ALYREF: variants seen among roughly 807,000 people sequenced by gnomAD.
ALYREF encodes Aly/REF export factor, also known as THO complex subunit 4.
A neutral mutation model predicts 25.2 loss-of-function variants in ALYREF; 1 was observed. The ratio of observed to expected loss-of-function variants is 0.04; its 90% CI spans 0.01 to 0.19. The LOEUF is 0.19. ALYREF is among the 10% of genes least tolerant of loss of function. The probability of loss-of-function intolerance (pLI) is 1.00; values close to 1 mark genes in which losing one functional copy is unlikely to be tolerated. For missense variants in ALYREF, 328 were observed against 375.6 expected, an observed-to-expected ratio of 0.87 and a Z score of 1.05; for synonymous variants, 193 against 153.5, an observed-to-expected ratio of 1.26 and a Z score of -1.90.
Position 81,888,432 on chromosome 17 carries a change from C to A in ALYREF, c.603-14G>T. 1 of 1,598,804 alleles carries A rather than the reference C, an allele frequency of 6.3e-7. No individual in the cohort carries two copies. The highest frequency in any genetic ancestry group is 8.5e-7 in the Non-Finnish European group (1 of 1,170,034). The stretch of plus-strand genomic sequence containing the variant: ...CCTCTGTTTACGCTAGCAAGGAAGA[C>A]GAAACCGTTCACACACCCGGAAGGA... On this transcript the variant is annotated splice_polypyrimidine_tract_variant and intron_variant, in intron 4 of 5. Transcript: ENST00000505490. The surrounding 1 kb of genome is among the most constrained non-coding windows in gnomAD (Gnocchi z 5.8).
chr17:81,889,716 C>T (rs898851341), intron 2 of ALYREF: 2 of 198,696 alleles, frequency 1.0e-5, no homozygotes, highest in East Asian at 2.3e-4. Flanking sequence ...ATCAGACCAG[C>T]TTGAAGGGCC....
In ALYREF at chr17:81,891,364, C is replaced by T; in HGVS notation, c.217G>A (p.Ala73Thr). Residue 73 changes from alanine to threonine, a missense_variant, in exon 1 of 6, where the codon GCC becomes ACC. By Grantham distance (58) the Ala-to-Thr change is moderately conservative. Coordinates refer to ENST00000505490, the MANE Select transcript of ALYREF (RefSeq NM_005782.4). ...GGTCGGTTCCTGCCGCCTCCGCCGG[C>T]CGCGCCGCGGGCGATGGCCGGCCGG... ...RNRPAIARGA[A>T]GGGGRNRPAP... The T allele has an allele frequency of 1.7e-6, 2 of 1,153,458 alleles. No individual in the cohort carries two copies. Among genetic ancestry groups the T allele is most frequent in the Admixed American group, 4.5e-5 (1 of 22,226 alleles). The allele number at this position is 1,153,458 out of a possible 1,614,324, so 71.5% of individuals were successfully genotyped here.
chr17:81,888,450 C>G lies in ALYREF; in HGVS notation c.603-32G>C. On this transcript the variant is annotated intron_variant, in intron 4 of 5. Coordinates refer to ENST00000505490, the MANE Select transcript of ALYREF (RefSeq NM_005782.4). The surrounding 1 kb of genome is among the most constrained non-coding windows in gnomAD (Gnocchi z 5.8). Reference sequence around the variant, plus strand: ...AGGAAGACGAAACCGTTCACACACCCGGAAGGACCCTAAGAGCGACGCAGC... The same window carrying G: ...AGGAAGACGAAACCGTTCACACACCGGGAAGGACCCTAAGAGCGACGCAGC... 1 of 1,603,744 alleles carries G rather than the reference C, an allele frequency of 6.2e-7. No individual in the cohort carries two copies. Among genetic ancestry groups the G allele is most frequent in the African/African-American group, 1.3e-5 (1 of 74,792 alleles).
In ALYREF at chr17:81,888,310, G is replaced by A. The variant is rs369058457; in HGVS notation, c.711C>T (p.Ala237=). The part of the protein sequence containing the change: ...RGGARGRGRG[A]GRNSKQQLSA... ...AAAGCTGCTGCTTTGAATTCCTGCCGGCACCTCTGCCTCTTCCACGGGCGC... is the reference window on the plus strand; with the variant it reads ...AAAGCTGCTGCTTTGAATTCCTGCCAGCACCTCTGCCTCTTCCACGGGCGC... The change falls in exon 5 of 6, where the codon GCC becomes GCT. Residue 237 remains alanine, a synonymous_variant. Transcript: ENST00000505490. This position sits in a 1 kb window ranked among gnomAD's most constrained non-coding sequence, Gnocchi z 5.8. The A allele has an allele frequency of 1.3e-4, 215 of 1,607,360 alleles. No homozygotes were observed. Among genetic ancestry groups the A allele is most frequent in the Non-Finnish European group, 1.7e-4 (205 of 1,178,938 alleles).
intron 3 of ALYREF, 87 bp downstream of exon 3, chr17:81,889,095 A>C: frequency 6.4e-7 from 1 of 1,557,994 alleles, no homozygotes; most frequent in Non-Finnish European, 8.7e-7. Flanking sequence ...CCTCAGCCAC[A>C]GGGGTACCCC....
rs1400190720 is a variant in ALYREF at position 81,891,554 on chromosome 17, G to A, written c.27C>T (p.Ala9=). 2.1e-6 allele frequency: 3 copies of A among 1,435,262 alleles called. No individual in the cohort carries two copies. The highest frequency in any genetic ancestry group is 3.3e-5 in the East Asian group (1 of 30,494). The allele number at this position is 1,435,262 out of a possible 1,614,324, so 88.9% of individuals were successfully genotyped here. Residue 9 remains alanine (A), a synonymous_variant, in exon 1 of 6, where the codon GCC becomes GCT. Coordinates refer to ENST00000505490, the MANE Select transcript of ALYREF (RefSeq NM_005782.4). ...CGTCCAGAGACATGTCCATTTTGTC[G>A]GCCATGGCGGGCGCGGAATCGGGCA... MPDSAPAM[A]DKMDMSLDDI...
Position 81,887,958 on chromosome 17 carries a change from TAAAAAAAAAAAAAAAGA to T in ALYREF, c.*156_*172del. 2.1e-6 allele frequency: 1 copy of T among 470,994 alleles called. No individual in the cohort carries two copies. The highest frequency in any genetic ancestry group is 4.1e-5 in the East Asian group (1 of 24,174). The allele number at this position is 470,994 out of a possible 1,614,324, so 29.2% of individuals were successfully genotyped here. On this transcript the variant is annotated 3_prime_UTR_variant, in exon 6 of 6. Coordinates refer to ENST00000505490, the MANE Select transcript of ALYREF (RefSeq NM_005782.4). Reference sequence around the variant, plus strand: ...GTACAAAACAGGTCTGTTTCAGAATTAAAAAAAAAAAAAAAGAAAAAAAAAAAACCTTTACATGAGTT... The same window carrying T: ...GTACAAAACAGGTCTGTTTCAGAATTAAAAAAAAAAACCTTTACATGAGTT...
In ALYREF at chr17:81,888,121, GCTGGT is replaced by G. The variant is rs780801463; in HGVS notation, c.*5_*9del. ...TGGGTCCTGTTCCGCACGCGGATTT[GCTGGT>G]CTGTTTAACTGGTGTCCATCTGAAA... On this transcript the variant is annotated 3_prime_UTR_variant, in exon 6 of 6. Transcript: ENST00000505490. This position sits in a 1 kb window ranked among gnomAD's most constrained non-coding sequence, Gnocchi z 5.8. 1.2e-5 allele frequency: 19 copies of G among 1,614,036 alleles called. No individual in the cohort carries two copies. The South Asian group carries it at 2.1e-4, about 18-fold the overall frequency.
intron 1 of ALYREF, 65 bp downstream of exon 1, chr17:81,891,258 C>T: frequency 9.3e-7 from 1 of 1,076,874 alleles, no homozygotes; most frequent in Non-Finnish European, 1.1e-6. Context: ...CCGCCGCGAG[C>T]GGCCCCGGCC....
In ALYREF at chr17:81,888,429, AGAC is replaced by A. The variant is rs1182782663; in HGVS notation, c.603-14_603-12del. 6.3e-7 allele frequency: 1 copy of A among 1,598,854 alleles called. No individual in the cohort carries two copies. Among genetic ancestry groups the A allele is most frequent in the Non-Finnish European group, 8.5e-7 (1 of 1,170,198 alleles). On this transcript the variant is annotated splice_polypyrimidine_tract_variant and intron_variant, in intron 4 of 5. Coordinates refer to ENST00000505490, the MANE Select transcript of ALYREF (RefSeq NM_005782.4). The surrounding 1 kb of genome is among the most constrained non-coding windows in gnomAD (Gnocchi z 5.8). The stretch of plus-strand genomic sequence containing the variant: ...CCACCTCTGTTTACGCTAGCAAGGA[AGAC>A]GAAACCGTTCACACACCCGGAAGGA...
Position 81,888,658 on chromosome 17 carries a change from T to A in ALYREF, c.539-75A>T. ...CCACCCAGCTGGCGCCACACCCTGG[T>A]CTCCATGCAAACACTGGAAAGGGCC... On this transcript the variant is annotated intron_variant, in intron 3 of 5. Coordinates refer to ENST00000505490, the MANE Select transcript of ALYREF (RefSeq NM_005782.4). The surrounding 1 kb of genome is among the most constrained non-coding windows in gnomAD (Gnocchi z 5.8). 6.5e-7 allele frequency: 1 copy of A among 1,542,562 alleles called. No individual in the cohort carries two copies. The highest frequency in any genetic ancestry group is 1.4e-5 in the African/African-American group (1 of 73,062).
Position 81,888,093 on chromosome 17 carries a change from G to A in ALYREF, c.*38C>T. 1.2e-6 allele frequency: 2 copies of A among 1,613,384 alleles called. No homozygotes were observed. Among genetic ancestry groups the A allele is most frequent in the Non-Finnish European group, 1.7e-6 (2 of 1,179,950 alleles). On this transcript the variant is annotated 3_prime_UTR_variant, in exon 6 of 6. Coordinates refer to ENST00000505490, the MANE Select transcript of ALYREF (RefSeq NM_005782.4). This position sits in a 1 kb window ranked among gnomAD's most constrained non-coding sequence, Gnocchi z 5.8. Reference sequence around the variant, plus strand: ...CCCCAACCAGGGAGCAAGAGGAGACGCCTGGGTCCTGTTCCGCACGCGGAT... The same window carrying A: ...CCCCAACCAGGGAGCAAGAGGAGACACCTGGGTCCTGTTCCGCACGCGGAT...
Position 81,891,582 on chromosome 17 carries a change from G to C in ALYREF, c.-2C>G, listed in dbSNP as rs1052702910. 6 of 1,427,290 alleles carry C rather than the reference G, an allele frequency of 4.2e-6. No individual in the cohort carries two copies. The highest frequency in any genetic ancestry group is 2.6e-5 in the South Asian group (2 of 77,150). The allele number at this position is 1,427,290 out of a possible 1,614,324, so 88.4% of individuals were successfully genotyped here. On this transcript the variant is annotated 5_prime_UTR_variant, in exon 1 of 6. Coordinates refer to ENST00000505490, the MANE Select transcript of ALYREF (RefSeq NM_005782.4). ...CATGGCGGGCGCGGAATCGGGCATC[G>C]GCTCGAGCCCGCGCGTCAGCACGCC...
rs537441077 is a variant in ALYREF, at chr17:81,888,418, G to T, written c.603C>A (p.Ser201Arg). The change falls in exon 5 of 6, where the codon AGC (serine) becomes AGA (arginine). Residue 201 changes from serine (S) to arginine (R), a missense_variant and splice_region_variant. By Grantham distance (110) the Ser-to-Arg change is moderately radical (BLOSUM62 -1). Coordinates refer to ENST00000505490, the MANE Select transcript of ALYREF (RefSeq NM_005782.4). The surrounding 1 kb of genome is among the most constrained non-coding windows in gnomAD (Gnocchi z 5.8). ...TTCTAGTCATGCCACCTCTGTTTACGCTAGCAAGGAAGACGAAACCGTTCA... is the reference window on the plus strand; with the variant it reads ...TTCTAGTCATGCCACCTCTGTTTACTCTAGCAAGGAAGACGAAACCGTTCA... ...QIDAQRRPAQ[S>R]VNRGGMTRNR... 2 of 1,598,354 alleles carry T rather than the reference G, an allele frequency of 1.3e-6. No individual in the cohort carries two copies. Among genetic ancestry groups the T allele is most frequent in the Non-Finnish European group, 1.7e-6 (2 of 1,171,026 alleles).
Position 81,888,778 on chromosome 17 carries a change from C to T in ALYREF, c.539-195G>A. The stretch of plus-strand genomic sequence containing the variant: ...GGAAGCAACCCCACCAACACCTCCT[C>T]ACTCCTTCTCAGTCCAGACTAGGTG... On this transcript the variant is annotated intron_variant, in intron 3 of 5. Transcript: ENST00000505490. The surrounding 1 kb of genome is among the most constrained non-coding windows in gnomAD (Gnocchi z 5.8). 6.9e-7 allele frequency: 1 copy of T among 1,444,910 alleles called. No homozygotes were observed. The highest frequency in any genetic ancestry group is 9.1e-7 in the Non-Finnish European group (1 of 1,099,848). 89.5% of individuals were successfully genotyped at this position (1,444,910 alleles called of 1,614,324 possible). A position where few individuals can be genotyped will look rare whatever the true frequency, so the allele number is the denominator to read the frequency against.
chr17:81,889,736 G>C lies in ALYREF; in HGVS notation c.391-407C>G, dbSNP rs577292868. 1.6e-3 allele frequency: 285 copies of C among 179,006 alleles called. 1 individual carries two copies. The highest frequency in any genetic ancestry group is 4.0e-3 in the South Asian group (35 of 8,666). The allele number at this position is 179,006 out of a possible 1,614,324, so 11.1% of individuals were successfully genotyped here. A position where few individuals can be genotyped will look rare whatever the true frequency, so the allele number is the denominator to read the frequency against. On this transcript the variant is annotated intron_variant, in intron 2 of 5. Transcript: ENST00000505490. ...ACCAGCTTGAAGGGCCTGTAGATTC[G>C]GGAGCCCTGACCCCAGCCCCTCCCC...
intron 1 of ALYREF, 34 bp from the exon 2 acceptor site, chr17:81,890,854 G>A (rs763411257): frequency 1.2e-6 from 2 of 1,613,894 alleles, no homozygotes; most frequent in South Asian, 1.1e-5. Context: ...GCAGATCTGT[G>A]AGTCTCAGTC....
At chr17:81,890,623 C>T in intron 2 of ALYREF, 66 bp downstream of exon 2, 2 of 1,588,002 alleles carry the variant, frequency 1.3e-6, no homozygotes, top group East Asian at 2.2e-5. Context: ...CTCAGGGCCA[C>T]ATCCCCAAAA....
rs565851185 is a variant in ALYREF at position 81,888,206 on chromosome 17, T to C, written c.780+35A>G. ...GGCGGCCTGCTCCCCACTGCGGCTT[T>C]GACCAGGCCCCCAGCTGGCTCCCCC... On this transcript the variant is annotated intron_variant, in intron 5 of 5. Coordinates refer to ENST00000505490, the MANE Select transcript of ALYREF (RefSeq NM_005782.4). The surrounding 1 kb of genome is among the most constrained non-coding windows in gnomAD (Gnocchi z 5.8). 1.2e-6 allele frequency: 2 copies of C among 1,614,010 alleles called. No homozygotes were observed. Among genetic ancestry groups the C allele is most frequent in the Admixed American group, 1.7e-5 (1 of 60,010 alleles).
Sources: gnomAD v4.1 joint callset for allele counts on GRCh38, gnomAD v4.1.1 for gene constraint, Gnocchi (gnomAD v3.1) non-coding constraint, MANE v1.5 for transcripts, NCBI Gene and HGNC (gene_info 2026-07-23, HGNC 2026-07-21) for gene names.